The following NRG3 variants were observed in gnomAD, a reference collection of about 807,000 sequenced individuals.
The protein encoded by NRG3 is neuregulin 3.
NRG3 carries 31 observed loss-of-function variants against 66.9 expected under a neutral mutation model. The observed-to-expected ratio is 0.46, with a 90% CI of 0.35 to 0.63. The LOEUF is 0.63. NRG3 is among the 20% of genes least tolerant of loss of function. The probability of loss-of-function intolerance (pLI) is 0.00; values close to 1 mark genes in which losing one functional copy is unlikely to be tolerated. For missense variants in NRG3, 910 were observed against 878.9 expected, an observed-to-expected ratio of 1.04 and a Z score of -0.45; for synonymous variants, 393 against 359.4, an observed-to-expected ratio of 1.09 and a Z score of -1.06.
rs902448117 is a variant in NRG3 at position 82,472,923 on chromosome 10, C to A, written c.953+114055C>A. Among the ~76,000 whole-genome samples, 39 of 152,138 alleles carry A rather than the reference C, an allele frequency of 2.6e-4. 1 individual carries two copies. The highest frequency in any genetic ancestry group is 2.1e-4 in the South Asian group (1 of 4,816). ...TGCTGCCTTTTCTGTGGGTAAATAC[C>A]CACTCTTCACTAAGGGAAGGGGTGT... On this transcript the variant is annotated intron_variant, in intron 2 of 8. Coordinates refer to ENST00000372141, the MANE Select transcript of NRG3 (RefSeq NM_001010848.4).
Position 81,876,063 on chromosome 10 carries a change from C to T in NRG3, c.723C>T (p.Ser241=). ...CCTACCTTCACGATTCTACTCCCTC[C>T]TGGACCCTGTCTCCCTTTCAGGATG... ...TSSYLHDSTP[S]WTLSPFQDAA... Residue 241 remains serine, a synonymous_variant, in exon 1 of 9, where the codon TCC becomes TCT. Coordinates refer to ENST00000372141, the MANE Select transcript of NRG3 (RefSeq NM_001010848.4). 1 of 1,613,952 alleles carries T rather than the reference C, an allele frequency of 6.2e-7. No homozygotes were observed. Among genetic ancestry groups the T allele is most frequent in the African/African-American group, 1.3e-5 (1 of 75,052 alleles).
chr10:82,587,588 G>T (rs1051226736), intron 2 of NRG3, among the ~76,000 whole-genome samples: 4 of 152,176 alleles, frequency 2.6e-5, no homozygotes, highest in African/African-American at 9.7e-5. Flanking sequence ...CAACCAAGAG[G>T]TAGGCCCAAC....
chr10:82,346,923 AT>A (rs1437594810), intron 1 of NRG3, among the ~76,000 whole-genome samples: 9 of 151,850 alleles, frequency 5.9e-5, no homozygotes, highest in African/African-American at 1.7e-4. Flanking sequence ...CCCCTTTATC[AT>A]TTTTTATTGC....
At chr10:82,859,679 GGGAAC>G (rs1387583812) in intron 3 of NRG3, among the ~76,000 whole-genome samples, 1 of 152,156 alleles carries the variant, frequency 6.6e-6, no homozygotes, top group Non-Finnish European at 1.5e-5. Flanking sequence ...AAAAGTTCAA[GGGAAC>G]TATTGTACAA....
rs190784998 is a variant in NRG3 at position 82,479,906 on chromosome 10, T to C, written c.953+121038T>C. Among the ~76,000 whole-genome samples the C allele has an allele frequency of 5.9e-5, 9 of 152,282 alleles. No individual in the cohort carries two copies. In the East Asian group the frequency reaches 1.5e-3, roughly 26 times the overall value. ...TGGCGTGAACCTGGAGCGCGGAGTT[T>C]GCAGTGAGCCGAGATGGCGCCACTG... On this transcript the variant is annotated intron_variant, in intron 2 of 8. Coordinates refer to ENST00000372141, the MANE Select transcript of NRG3 (RefSeq NM_001010848.4).
intron 1 of NRG3, among the ~76,000 whole-genome samples, chr10:82,048,073 A>G (rs2063397380): frequency 1.3e-5 from 2 of 151,446 alleles, no homozygotes; most frequent in Non-Finnish European, 2.9e-5. Flanking sequence ...TATGCACCCA[A>G]TACAGGAGCA....
At chr10:82,105,351 TA>T (rs1459404662) in intron 1 of NRG3, among the ~76,000 whole-genome samples, 1 of 152,168 alleles carries the variant, frequency 6.6e-6, no homozygotes, top group African/African-American at 2.4e-5. Flanking sequence ...ATTAACTGAA[TA>T]GGGTTTGTTC....
At chr10:82,707,551 G>A (rs2056386168) in intron 2 of NRG3, among the ~76,000 whole-genome samples, 1 of 77,988 alleles carries the variant, frequency 1.3e-5, no homozygotes, top group South Asian at 7.6e-4. Context: ...CATCACTCCT[G>A]GTTAATTGTT....
At chr10:82,008,931 G>A (rs1327699531) in intron 1 of NRG3, among the ~76,000 whole-genome samples, 2 of 151,976 alleles carry the variant, frequency 1.3e-5, no homozygotes, top group African/African-American at 4.8e-5. Flanking sequence ...GAAAAGCCAG[G>A]GCCTATATAT....
chr10:82,044,985 G>T (rs1368506299), intron 1 of NRG3, among the ~76,000 whole-genome samples: 1 of 151,614 alleles, frequency 6.6e-6, no homozygotes, highest in Non-Finnish European at 1.5e-5. Flanking sequence ...ATTTGGGTTG[G>T]TTCCAAGTCT....
At chr10:82,269,663 G>T (rs1051448729) in intron 1 of NRG3, among the ~76,000 whole-genome samples, 1 of 152,136 alleles carries the variant, frequency 6.6e-6, no homozygotes, top group Non-Finnish European at 1.5e-5. Flanking sequence ...TGAACCAGCT[G>T]TAAACTATGT....
At chr10:81,949,090 A>G (rs1410642523) in intron 1 of NRG3, among the ~76,000 whole-genome samples, 2 of 152,118 alleles carry the variant, frequency 1.3e-5, no homozygotes, top group Non-Finnish European at 2.9e-5. Context: ...CCTGGGGTAC[A>G]GAGATTTTAC....
At chr10:82,628,455 C>T (rs565973709) in intron 2 of NRG3, among the ~76,000 whole-genome samples, 1 of 152,236 alleles carries the variant, frequency 6.6e-6, no homozygotes, top group East Asian at 1.9e-4. Context: ...AGTTGGCTCT[C>T]ACCATCCCAT....
At chr10:82,293,964 G>C (rs111966932) in intron 1 of NRG3, among the ~76,000 whole-genome samples, 5 of 151,044 alleles carry the variant, frequency 3.3e-5, no homozygotes, top group African/African-American at 1.2e-4. Flanking sequence ...CCTCTCTCTT[G>C]TTAGCCCTCT....
At chr10:82,736,040 A>G (rs2058139107) in intron 2 of NRG3, among the ~76,000 whole-genome samples, 1 of 152,212 alleles carries the variant, frequency 6.6e-6, no homozygotes, top group Non-Finnish European at 1.5e-5. Context: ...TTTGTCATGT[A>G]TTAAGATGAA....
At chr10:82,501,363 A>G (rs1183219058) in intron 2 of NRG3, among the ~76,000 whole-genome samples, 1 of 152,162 alleles carries the variant, frequency 6.6e-6, no homozygotes, top group Non-Finnish European at 1.5e-5. Flanking sequence ...ACCTTTTAAC[A>G]TAGAAGTTAG....
chr10:82,897,757 T>G (rs1027751942), intron 4 of NRG3, among the ~76,000 whole-genome samples: 1 of 152,096 alleles, frequency 6.6e-6, no homozygotes, highest in Non-Finnish European at 1.5e-5. Context: ...AGACCTCAGG[T>G]GATCCACCCG....
intron 1 of NRG3, among the ~76,000 whole-genome samples, chr10:82,194,893 G>T (rs889868151): frequency 6.6e-6 from 1 of 152,040 alleles, no homozygotes; most frequent in African/African-American, 2.4e-5. Context: ...ACCCTCTCAG[G>T]CATCAGTGCT....
At chr10:82,435,779 CTTTTTTTTTT>C (rs1158502018) in intron 2 of NRG3, among the ~76,000 whole-genome samples, 4 of 108,272 alleles carry the variant, frequency 3.7e-5, no homozygotes, top group Admixed American at 2.9e-4. Context: ...CTTTTCTTTT[CTTTTTTTTTT>C]TTTTTTTTTT....
Sources: allele counts gnomAD v4.1 joint callset (sites outside exome capture counted in the v4.1 genomes callset), GRCh38; gene constraint gnomAD v4.1.1; transcripts MANE v1.5; gene names NCBI Gene and HGNC (gene_info 2026-07-23, HGNC 2026-07-21).